The following CDK12 variants were observed in gnomAD, a reference collection of about 807,000 sequenced individuals.
CDK12 encodes cyclin-dependent kinase 12.
A neutral mutation model predicts 133.8 loss-of-function variants in CDK12; 17 were observed. That is an observed-to-expected ratio of 0.13 (90% CI 0.09 to 0.19). CDK12 has a LOEUF of 0.19. Ranked by LOEUF, CDK12 falls within the 10% of genes least tolerant of loss-of-function variation. CDK12 has a pLI of 1.00. For missense variants in CDK12, 1,508 were observed against 1,818.7 expected, an observed-to-expected ratio of 0.83 and a Z score of 3.11; for synonymous variants, 694 against 683.6, an observed-to-expected ratio of 1.02 and a Z score of -0.24.
chr17:39,487,607 ATTTT>A (rs887590343), intron 2 of CDK12, among the ~76,000 whole-genome samples: 17 of 96,366 alleles, frequency 1.8e-4, no homozygotes, highest in African/African-American at 5.7e-4. Context: ...GCATGACACA[ATTTT>A]TTTTTTTTTT....
At chr17:39,507,778 A>C (rs754512236) in intron 6 of CDK12, among the ~76,000 whole-genome samples, 1 of 152,158 alleles carries the variant, frequency 6.6e-6, no homozygotes, top group African/African-American at 2.4e-5. Flanking sequence ...AAGGATGCCA[A>C]GTAATTTGAG....
intron 8 of CDK12, among the ~76,000 whole-genome samples, chr17:39,513,436 C>T (rs1245292446): frequency 6.6e-6 from 1 of 152,100 alleles, no homozygotes. Flanking sequence ...TAAAATAAAG[C>T]TTTAGTTAAA....
chr17:39,535,255 G>GA, downstream of CDK12: 1 of 152,354 alleles, frequency 6.6e-6, no homozygotes, highest in East Asian at 1.9e-4. Context: ...GAGAAAGAAA[G>GA]AAGGGCGATA....
intron 2 of CDK12, among the ~76,000 whole-genome samples, chr17:39,555,760 G>A (rs1250813278): frequency 1.3e-5 from 2 of 151,300 alleles, no homozygotes; most frequent in Non-Finnish European, 2.9e-5. Flanking sequence ...TTGGGAGGCC[G>A]AGATGGGTGG....
At chr17:39,558,911 T>C (rs759871793) in intron 3 of CDK12, among the ~76,000 whole-genome samples, 3 of 152,248 alleles carry the variant, frequency 2.0e-5, no homozygotes, top group Non-Finnish European at 4.4e-5. Flanking sequence ...CCCAAAGTGT[T>C]GGGATTACAG....
At chr17:39,502,739 T>G (rs2052813630) in intron 6 of CDK12, among the ~76,000 whole-genome samples, 1 of 152,148 alleles carries the variant, frequency 6.6e-6, no homozygotes, top group Non-Finnish European at 1.5e-5. Flanking sequence ...GAATAAGAAT[T>G]TATCTGAAAA....
chr17:39,492,120 G>A (rs550375497), intron 3 of CDK12, among the ~76,000 whole-genome samples: 35 of 139,614 alleles, frequency 2.5e-4, no homozygotes, highest in Middle Eastern at 7.9e-3. Context: ...TTTTTGAGTC[G>A]GAGTCTCGCT....
downstream of CDK12, among the ~76,000 whole-genome samples, chr17:39,536,037 G>T (rs2055119625): frequency 6.6e-6 from 1 of 151,994 alleles, no homozygotes; most frequent in Non-Finnish European, 1.5e-5. Context: ...TTATCTGTAG[G>T]AACACCTCCA....
In CDK12 at chr17:39,530,426, G is replaced by A. The variant is rs768084526; in HGVS notation, c.3761-178G>A. ...TAGCTGTTAGATCCAGGATGCAACT[G>A]TTTTACTTTTAATCACTTGATTTAT... On this transcript the variant is annotated intron_variant, in intron 13 of 13. Transcript: ENST00000447079. 2.5e-4 allele frequency: 206 copies of A among 828,622 alleles called. No individual in the cohort carries two copies. The Middle Eastern group carries it at 2.7e-3, about 11-fold the overall frequency. The allele number at this position is 828,622 out of a possible 1,614,324, so 51.3% of individuals were successfully genotyped here.
Position 39,490,659 on chromosome 17 carries a change from A to G in CDK12, c.2034A>G (p.Gly678=), listed in dbSNP as rs754208533. The change falls in exon 3 of 14, where the codon GGA becomes GGG. Residue 678 remains glycine (G), a synonymous_variant. Coordinates refer to ENST00000447079, the MANE Select transcript of CDK12 (RefSeq NM_016507.4). The part of the protein sequence containing the change: ...DLPLPPELPG[G]DLSPPDSPEP... Reference sequence around the variant, plus strand: ...CTCTCCCTCCAGAGCTCCCTGGTGGAGATCTGTCTCCCCCAGACTCTCCAG... The same window carrying G: ...CTCTCCCTCCAGAGCTCCCTGGTGGGGATCTGTCTCCCCCAGACTCTCCAG... 3.1e-6 allele frequency: 5 copies of G among 1,613,840 alleles called. No individual in the cohort carries two copies. The South Asian group carries it at 5.5e-5, about 18-fold the overall frequency.
At chr17:39,559,174 G>A (rs192116193) in intron 3 of CDK12, among the ~76,000 whole-genome samples, 7 of 152,236 alleles carry the variant, frequency 4.6e-5, no homozygotes, top group East Asian at 1.9e-4. Context: ...TGAGATCATT[G>A]TAGATCCACA....
Position 39,526,300 on chromosome 17 carries a change from A to G in CDK12, c.3744A>G (p.Pro1248=). ...PQGPRRTPTM[P]QEEAAACPPH... ...GGCCCCGAAGAACTCCCACAATGCCACAGGAGGAGGCAGCAGGTAAACAGA... is the reference window on the plus strand; with the variant it reads ...GGCCCCGAAGAACTCCCACAATGCCGCAGGAGGAGGCAGCAGGTAAACAGA... The change falls in exon 13 of 14, where the codon CCA becomes CCG. Residue 1248 remains proline, a synonymous_variant. Transcript: ENST00000447079. 1 of 1,594,462 alleles carries G rather than the reference A, an allele frequency of 6.3e-7. No homozygotes were observed. The highest frequency in any genetic ancestry group is 8.5e-7 in the Non-Finnish European group (1 of 1,171,328).
At chr17:39,505,523 CAAA>C (rs369918356) in intron 6 of CDK12, among the ~76,000 whole-genome samples, 6 of 97,742 alleles carry the variant, frequency 6.1e-5, no homozygotes, top group Non-Finnish European at 1.1e-4. Flanking sequence ...GACTCCGTCT[CAAA>C]AAAAAAAAAA....
chr17:39,480,307 A>T (rs1389625415), intron 2 of CDK12, among the ~76,000 whole-genome samples: 1 of 149,618 alleles, frequency 6.7e-6, no homozygotes, highest in Non-Finnish European at 1.5e-5. Flanking sequence ...TTTGTCGTCC[A>T]GGCTGGAGTG....
At chr17:39,528,435 G>A (rs1011252644) in intron 13 of CDK12, among the ~76,000 whole-genome samples, 1 of 152,062 alleles carries the variant, frequency 6.6e-6, no homozygotes, top group African/African-American at 2.4e-5. Flanking sequence ...CCAGGTTCAA[G>A]CGATTCTCCT....
At chr17:39,563,256 AGAGT>A (rs1474657213) in intron 3 of CDK12, among the ~76,000 whole-genome samples, 1 of 151,932 alleles carries the variant, frequency 6.6e-6, no homozygotes, top group East Asian at 1.9e-4. Context: ...GTTGGCTGGG[AGAGT>A]GTGTGTGTGT....
intron 2 of CDK12, among the ~76,000 whole-genome samples, chr17:39,551,624 T>C (rs1319740089): frequency 6.6e-6 from 1 of 152,180 alleles, no homozygotes; most frequent in Non-Finnish European, 1.5e-5. Context: ...AGAGATAGAA[T>C]TTAAATTCAA....
At chr17:39,485,991 C>A (rs796979816) in intron 2 of CDK12, among the ~76,000 whole-genome samples, 3 of 147,964 alleles carry the variant, frequency 2.0e-5, no homozygotes, top group African/African-American at 7.5e-5. Context: ...CTTGCTCTGT[C>A]GCCCAGGCTG....
At chr17:39,528,863 A>C (rs1490632767) in intron 13 of CDK12, among the ~76,000 whole-genome samples, 1 of 152,212 alleles carries the variant, frequency 6.6e-6, no homozygotes, top group Non-Finnish European at 1.5e-5. Context: ...TTTTATGTGT[A>C]GTCCAGAAAT....
Sources: allele counts gnomAD v4.1 joint callset (sites outside exome capture counted in the v4.1 genomes callset), GRCh38; gene constraint gnomAD v4.1.1; transcripts MANE v1.5; gene names NCBI Gene and HGNC (gene_info 2026-07-23, HGNC 2026-07-21).